The following ADAMTS9 variants were observed in gnomAD, a reference collection of about 807,000 sequenced individuals.
ADAMTS9 encodes ADAM metallopeptidase with thrombospondin type 1 motif 9.
A neutral mutation model predicts 257.1 loss-of-function variants in ADAMTS9; 107 were observed. The ratio of observed to expected loss-of-function variants is 0.42; its 90% CI spans 0.36 to 0.49. The LOEUF is 0.49. Among genes scored for constraint, ADAMTS9 ranks in the 20% least tolerant of loss-of-function variants. The pLI is 0.03. For missense variants in ADAMTS9, 2,353 were observed against 2,469.1 expected (o/e 0.95, Z 1.00); for synonymous variants, 982 against 880.9 (o/e 1.11, Z -2.03).
intron 27 of ADAMTS9, among the ~76,000 whole-genome samples, chr3:64,595,361 CGTT>C (rs1474236609): frequency 1.3e-5 from 2 of 152,144 alleles, no homozygotes; most frequent in African/African-American, 4.8e-5. Context: ...GGCAGGAACA[CGTT>C]GTATTTCTTG....
rs1460189930 is a variant in ADAMTS9, at chr3:64,647,966, C to T, written c.1684G>A (p.Asp562Asn). The change falls in exon 11 of 40, where the codon GAT becomes AAT. Residue 562 changes from aspartate (D) to asparagine (N), a missense_variant. By Grantham distance (23) the Asp-to-Asn change is conservative. This residue lies in a region of ADAMTS9 where 360 missense variants were observed against 458.1 expected (regional missense o/e 0.79). Transcript: ENST00000498707. ...GCRTQHTPWA[D>N]GTECEPGKHC... ...TTTCCAGGCTCGCACTCCGTCCCAT[C>T]GGCCCAGGGTGTGTGCTGAGTCCGG... is the stretch of plus-strand genomic sequence containing the variant. 6.2e-7 allele frequency: 1 copy of T among 1,613,852 alleles called. No homozygotes were observed. The highest frequency in any genetic ancestry group is 2.2e-5 in the East Asian group (1 of 44,862).
chr3:64,543,297 T>A (rs1235943179), intron 32 of ADAMTS9, among the ~76,000 whole-genome samples: 3 of 152,182 alleles, frequency 2.0e-5, no homozygotes, highest in African/African-American at 7.2e-5. Context: ...TACCAAAGCC[T>A]GGCAGAGACA....
At chr3:64,610,400 A>T (rs2084641913) in intron 22 of ADAMTS9, among the ~76,000 whole-genome samples, 2 of 152,198 alleles carry the variant, frequency 1.3e-5, no homozygotes, top group African/African-American at 4.8e-5. Context: ...GAACAACGAG[A>T]AAAACAGATC....
At chr3:64,572,455 G>A (rs912666762) in intron 28 of ADAMTS9, among the ~76,000 whole-genome samples, 3 of 152,146 alleles carry the variant, frequency 2.0e-5, no homozygotes, top group Admixed American at 1.3e-4. Flanking sequence ...TGGGTTTGGT[G>A]TGCTGTCTCT....
At chr3:64,564,447 C>G in intron 29 of ADAMTS9, among the ~76,000 whole-genome samples, 1 of 152,128 alleles carries the variant, frequency 6.6e-6, no homozygotes, top group South Asian at 2.1e-4. Flanking sequence ...GACATTAAAG[C>G]AGCGATTAGT....
intron 28 of ADAMTS9, chr3:64,589,811 A>C (rs2084226671): frequency 6.6e-6 from 1 of 152,180 alleles, no homozygotes. Flanking sequence ...TGAAACTTCC[A>C]AGGTAGTTGT....
At position 64,654,591 on chromosome 3, in the gene ADAMTS9, G is replaced by C; in HGVS notation, c.1191C>G (p.His397Gln). 1.9e-6 allele frequency: 3 copies of C among 1,614,172 alleles called. No homozygotes were observed. Among genetic ancestry groups the C allele is most frequent in the Non-Finnish European group, 2.5e-6 (3 of 1,180,014 alleles). The stretch of plus-strand genomic sequence containing the variant: ...ACTCACCTAAGGTATCACATTTGTC[G>C]TGAGCTCTGCAGATATCCTGTCTGA... ...LLTRQDICRA[H>Q]DKCDTLGLAE... Residue 397 changes from histidine (H) to glutamine (Q), a missense_variant, in exon 7 of 40, where the codon CAC becomes CAG. His to Gln is a conservative substitution (Grantham distance 24, BLOSUM62 0). Coordinates refer to ENST00000498707, the MANE Select transcript of ADAMTS9 (RefSeq NM_182920.2).
chr3:64,535,953 T>C (rs1202632086), intron 37 of ADAMTS9, among the ~76,000 whole-genome samples: 1 of 151,986 alleles, frequency 6.6e-6, no homozygotes, highest in Non-Finnish European at 1.5e-5. Flanking sequence ...CCCTCTTTTC[T>C]CCCTCCATTC....
chr3:64,627,068 C>G (rs1700240403), intron 16 of ADAMTS9, among the ~76,000 whole-genome samples: 1 of 152,168 alleles, frequency 6.6e-6, no homozygotes, highest in Non-Finnish European at 1.5e-5. Context: ...AAGTTGCATG[C>G]TAGCTACCCA....
intron 3 of ADAMTS9, among the ~76,000 whole-genome samples, chr3:64,667,209 T>C (rs936583070): frequency 6.6e-6 from 1 of 152,132 alleles, no homozygotes; most frequent in African/African-American, 2.4e-5. Flanking sequence ...ATTAGTCCCA[T>C]AAGATAGTTC....
At chr3:64,572,111 CTT>C (rs2106699398) in intron 28 of ADAMTS9, among the ~76,000 whole-genome samples, 1 of 152,256 alleles carries the variant, frequency 6.6e-6, no homozygotes, top group Non-Finnish European at 1.5e-5. Flanking sequence ...AACAACCCAA[CTT>C]TGTGTAACAG....
chr3:64,542,430 C>CTTTCTTTTTTTT (rs56347750), intron 32 of ADAMTS9, among the ~76,000 whole-genome samples: 4 of 124,564 alleles, frequency 3.2e-5, no homozygotes, highest in South Asian at 2.6e-4. Flanking sequence ...TTCTTTCTTT[C>CTTTCTTTTTTTT]TTTTTTTTTT....
chr3:64,599,182 C>A (rs1021679278), intron 26 of ADAMTS9, among the ~76,000 whole-genome samples: 3 of 152,132 alleles, frequency 2.0e-5, no homozygotes, highest in African/African-American at 7.2e-5. Context: ...GGTCTTTATA[C>A]TCCCACAGAC....
At chr3:64,535,003 T>C (rs2083031515) in intron 37 of ADAMTS9, among the ~76,000 whole-genome samples, 1 of 152,154 alleles carries the variant, frequency 6.6e-6, no homozygotes, top group Non-Finnish European at 1.5e-5. Flanking sequence ...TTAGTAAGAC[T>C]TAACCTGTGA....
At chr3:64,533,518 T>A (rs542812154) in intron 37 of ADAMTS9, among the ~76,000 whole-genome samples, 1 of 152,350 alleles carries the variant, frequency 6.6e-6, no homozygotes, top group Admixed American at 6.5e-5. Context: ...AACTGAGGCT[T>A]AGCGGAAGTG....
Position 64,568,429 on chromosome 3 carries a change from T to A in ADAMTS9, c.4463A>T (p.His1488Leu). Residue 1488 changes from histidine to leucine, a missense_variant, in exon 29 of 40, where the codon CAT becomes CTT. Around this residue, in one of 3 missense-constraint regions of ADAMTS9, gnomAD observed 1,402 missense variants for 1,441.4 expected, o/e 0.97. Coordinates refer to ENST00000498707, the MANE Select transcript of ADAMTS9 (RefSeq NM_182920.2). Reference sequence around the variant, plus strand: ...TCCTCCTCGGCACTTTCTGTGCCCATGTGGCTTAGCCAGGTGCTTACAGTA... The same window carrying A: ...TCCTCCTCGGCACTTTCTGTGCCCAAGTGGCTTAGCCAGGTGCTTACAGTA... Reference protein sequence around the residue: ...SDYCKHLAKPHGHRKCRGGRC... With the variant: ...SDYCKHLAKPLGHRKCRGGRC... 1.2e-6 allele frequency: 2 copies of A among 1,613,870 alleles called. No homozygotes were observed. Among genetic ancestry groups the A allele is most frequent in the South Asian group, 2.2e-5 (2 of 91,008 alleles).
chr3:64,570,906 G>T (rs1264602121), intron 28 of ADAMTS9, among the ~76,000 whole-genome samples: 1 of 151,988 alleles, frequency 6.6e-6, no homozygotes, highest in Non-Finnish European at 1.5e-5. Flanking sequence ...TCTAGGAAAT[G>T]AGTTGAACTT....
intron 39 of ADAMTS9, among the ~76,000 whole-genome samples, chr3:64,519,531 T>C (rs949569350): frequency 2.6e-5 from 4 of 152,156 alleles, no homozygotes; most frequent in Non-Finnish European, 4.4e-5. Flanking sequence ...CTGATGAACA[T>C]TGACATGAAA....
chr3:64,575,960 T>C (rs139349729), intron 28 of ADAMTS9, among the ~76,000 whole-genome samples: 13 of 152,326 alleles, frequency 8.5e-5, no homozygotes, highest in South Asian at 8.3e-4. Context: ...GAGTCTAACA[T>C]TCTAACAGAG....
Sources: allele counts gnomAD v4.1 joint callset (sites outside exome capture counted in the v4.1 genomes callset), GRCh38; gene constraint gnomAD v4.1.1; regional missense constraint gnomAD v4.1.1; transcripts MANE v1.5; gene names NCBI Gene and HGNC (gene_info 2026-07-23, HGNC 2026-07-21).